WDPCP: variants seen among roughly 807,000 people sequenced by gnomAD.
WDPCP encodes WD repeat containing planar cell polarity effector, also known as WD repeat-containing and planar cell polarity effector protein fritz homolog.
Under a neutral mutation model 93.1 loss-of-function variants are expected in WDPCP, and 71 were observed. That is an observed-to-expected ratio of 0.76 (90% CI 0.63 to 0.93). The LOEUF (loss-of-function observed/expected upper bound fraction) is 0.93, where lower values mean the gene tolerates loss of function less well. WDPCP is among the 40% of genes least tolerant of loss of function. The pLI is 0.00. For missense variants in WDPCP, 844 were observed against 887.4 expected, an observed-to-expected ratio of 0.95 and a Z score of 0.62; for synonymous variants, 315 against 315.0, an observed-to-expected ratio of 1.00 and a Z score of 0.00.
chr2:63,702,899 G>GAA (rs1669081506), intron 2 of WDPCP, among the ~76,000 whole-genome samples: 1 of 151,512 alleles, frequency 6.6e-6, no homozygotes, highest in African/African-American at 2.4e-5. Flanking sequence ...AGTCCCCAAT[G>GAA]TGTGATGTTC....
chr2:63,197,356 T>TG (rs2104293278), intron 14 of WDPCP, among the ~76,000 whole-genome samples: 1 of 152,338 alleles, frequency 6.6e-6, no homozygotes, highest in South Asian at 2.1e-4. Flanking sequence ...CTTATGCTAT[T>TG]GGTAATGCTT....
intron 13 of WDPCP, among the ~76,000 whole-genome samples, chr2:63,263,502 T>C (rs943646096): frequency 6.6e-6 from 1 of 152,168 alleles, no homozygotes; most frequent in Non-Finnish European, 1.5e-5. Flanking sequence ...CCCTTCACCA[T>C]GGGATCACTC....
At chr2:63,441,913 G>A (rs1282534445) in intron 6 of WDPCP, 4 of 151,974 alleles carry the variant, frequency 2.6e-5, no homozygotes, top group Non-Finnish European at 5.9e-5. Flanking sequence ...TCTTAAAGTA[G>A]GTTAAATAAA....
intron 1 of WDPCP, among the ~76,000 whole-genome samples, chr2:63,570,068 T>C (rs1230368583): frequency 2.6e-5 from 4 of 152,188 alleles, no homozygotes; most frequent in African/African-American, 9.7e-5. Flanking sequence ...CAGAAATAAC[T>C]GGGTGCTGAG....
At chr2:63,438,384 T>C (rs551043391) in intron 7 of WDPCP, among the ~76,000 whole-genome samples, 10 of 152,194 alleles carry the variant, frequency 6.6e-5, no homozygotes, top group African/African-American at 9.6e-5. Context: ...AGAAATCACA[T>C]TGTTACCATG....
intron 2 of WDPCP, among the ~76,000 whole-genome samples, chr2:63,677,572 A>C (rs1558881962): frequency 1.3e-5 from 2 of 152,196 alleles, no homozygotes; most frequent in Non-Finnish European, 2.9e-5. Context: ...CCACAGAATA[A>C]AAACTATAAA....
intron 9 of WDPCP, among the ~76,000 whole-genome samples, chr2:63,426,946 A>G (rs537919639): frequency 4.3e-4 from 66 of 152,292 alleles, no homozygotes; most frequent in South Asian, 1.7e-3. Flanking sequence ...CTATTCTTAC[A>G]TCAGATAAAA....
chr2:63,632,036 A>AT (rs1303407072), intron 3 of WDPCP, among the ~76,000 whole-genome samples: 1 of 152,320 alleles, frequency 6.6e-6, no homozygotes, highest in East Asian at 1.9e-4. Flanking sequence ...GCTGTTATGT[A>AT]TGTTGAGGAC....
intron 7 of WDPCP, chr2:63,437,960 G>C (rs1697249488): frequency 6.6e-7 from 1 of 1,506,654 alleles, no homozygotes; most frequent in East Asian, 2.4e-5. Context: ...GGATTTATTA[G>C]GGGATACTGA....
At chr2:63,797,312 G>C (rs1042702016) in intron 2 of WDPCP, among the ~76,000 whole-genome samples, 1 of 152,018 alleles carries the variant, frequency 6.6e-6, no homozygotes, top group African/African-American at 2.4e-5. Context: ...GGAGAGGAAA[G>C]AGTAAAGAGG....
At chr2:63,225,162 A>G (rs1463592373) in intron 14 of WDPCP, among the ~76,000 whole-genome samples, 2 of 151,976 alleles carry the variant, frequency 1.3e-5, no homozygotes, top group African/African-American at 2.4e-5. Flanking sequence ...ACATTTAACA[A>G]AAGATTTGTA....
At chr2:63,551,603 T>C (rs749209278) in intron 1 of WDPCP, among the ~76,000 whole-genome samples, 1 of 152,190 alleles carries the variant, frequency 6.6e-6, no homozygotes, top group Non-Finnish European at 1.5e-5. Context: ...CACTCTTTTC[T>C]TTATAAATTA....
At chr2:63,195,745 G>T (rs1675382797) in intron 14 of WDPCP, among the ~76,000 whole-genome samples, 2 of 151,986 alleles carry the variant, frequency 1.3e-5, no homozygotes, top group African/African-American at 4.8e-5. Context: ...GATATTTCAT[G>T]AATTCAAAAA....
intron 14 of WDPCP, among the ~76,000 whole-genome samples, chr2:63,228,233 A>G (rs183386808): frequency 3.2e-4 from 48 of 152,184 alleles, no homozygotes; most frequent in Non-Finnish European, 1.9e-4. Flanking sequence ...TTGCTTAGGA[A>G]AACTATTTGA....
At chr2:63,418,718 G>A (rs1371730144) in intron 9 of WDPCP, among the ~76,000 whole-genome samples, 1 of 152,104 alleles carries the variant, frequency 6.6e-6, no homozygotes, top group Non-Finnish European at 1.5e-5. Flanking sequence ...ACAGTAAGAA[G>A]GGGAAAAACA....
intron 3 of WDPCP, among the ~76,000 whole-genome samples, chr2:63,635,479 C>T (rs1318951973): frequency 6.6e-6 from 1 of 152,072 alleles, no homozygotes; most frequent in Non-Finnish European, 1.5e-5. Flanking sequence ...CAACAAAATA[C>T]TAGCAAATTG....
chr2:63,317,993 G>A (rs1686792361), intron 12 of WDPCP, among the ~76,000 whole-genome samples: 1 of 152,050 alleles, frequency 6.6e-6, no homozygotes, highest in Non-Finnish European at 1.5e-5. Flanking sequence ...CCTACAGAAT[G>A]GGAGAAAATA....
intron 12 of WDPCP, among the ~76,000 whole-genome samples, chr2:63,337,430 T>C (rs1305726638): frequency 3.3e-5 from 5 of 152,240 alleles, no homozygotes; most frequent in African/African-American, 1.2e-4. Context: ...CTATTGTGAA[T>C]AGTTCTGTAA....
rs565844656 is a variant in WDPCP at position 63,808,263 on chromosome 2, T to A, written n.308+5359A>T. ...TATAAAACATAGAGAACATTTTATC[T>A]GTTTCCTTAAAATTAATTCCTTCGC... On this transcript the variant is annotated intron_variant and non_coding_transcript_variant, in intron 2 of 4. Transcript: ENST00000467687. Among the ~76,000 whole-genome samples the A allele has an allele frequency of 1.1e-3, 175 of 152,182 alleles. No individual in the cohort carries two copies. The Middle Eastern group carries it at 0.014, about 12-fold the overall frequency.
Sources: allele counts gnomAD v4.1 joint callset (sites outside exome capture counted in the v4.1 genomes callset), GRCh38; gene constraint gnomAD v4.1.1; transcripts MANE v1.5; gene names NCBI Gene and HGNC (gene_info 2026-07-23, HGNC 2026-07-21).